ATXN1: variants seen among roughly 807,000 people sequenced by gnomAD.
The protein encoded by ATXN1 is ataxin-1.
A neutral mutation model predicts 56.4 loss-of-function variants in ATXN1; 8 were observed. The ratio of observed to expected loss-of-function variants is 0.14; its 90% confidence interval spans 0.08 to 0.26. ATXN1 has a LOEUF of 0.26. Ranked by LOEUF, ATXN1 falls within the 10% of genes least tolerant of loss-of-function variation. The probability of loss-of-function intolerance (pLI) is 1.00; values close to 1 mark genes in which losing one functional copy is unlikely to be tolerated. For synonymous variants in ATXN1, 514 were observed against 494.6 expected, an observed-to-expected ratio of 1.04 and a Z score of -0.52; for missense variants, 987 against 1,106.5, an observed-to-expected ratio of 0.89 and a Z score of 1.53.
intron 2 of ATXN1, among the ~76,000 whole-genome samples, chr6:16,704,998 AC>A (rs1205476181): frequency 5.9e-5 from 9 of 152,092 alleles, no homozygotes; most frequent in Non-Finnish European, 1.2e-4. Context: ...CTCAGGCCTC[AC>A]CTCTCTCATC....
At chr6:16,474,010 CCT>C (rs1401102095) in intron 6 of ATXN1, among the ~76,000 whole-genome samples, 1 of 152,178 alleles carries the variant, frequency 6.6e-6, no homozygotes, top group Non-Finnish European at 1.5e-5. Context: ...TGACCACTCC[CCT>C]GTCTTCAAGA....
At chr6:16,556,490 G>A (rs1762016428) in intron 4 of ATXN1, among the ~76,000 whole-genome samples, 1 of 152,126 alleles carries the variant, frequency 6.6e-6, no homozygotes, top group Admixed American at 6.6e-5. Context: ...TGTCAATGCT[G>A]GTAAGAAAAA....
chr6:16,675,034 C>T (rs1473374298), intron 2 of ATXN1, among the ~76,000 whole-genome samples: 1 of 152,220 alleles, frequency 6.6e-6, no homozygotes, highest in Middle Eastern at 3.2e-3. Flanking sequence ...ACTGCAGCTT[C>T]CAAGGTTGGA....
intron 6 of ATXN1, among the ~76,000 whole-genome samples, chr6:16,376,188 C>T (rs1383384592): frequency 2.6e-5 from 4 of 152,180 alleles, no homozygotes; most frequent in Non-Finnish European, 5.9e-5. Flanking sequence ...TGGCAAGATA[C>T]GATCAATTTT....
chr6:16,718,097 G>A (rs762812685), intron 2 of ATXN1, among the ~76,000 whole-genome samples: 39 of 152,226 alleles, frequency 2.6e-4, no homozygotes, highest in Non-Finnish European at 4.9e-4. Context: ...CACACAACAA[G>A]GTGCAATGAA....
intron 3 of ATXN1, among the ~76,000 whole-genome samples, chr6:16,639,276 G>T (rs72825574): frequency 0.014 from 2,104 of 152,224 alleles, 29 homozygotes; most frequent in Middle Eastern, 0.027. Context: ...CGCTCTTTGG[G>T]TCCCTACCAT....
At chr6:16,529,366 C>A (rs776184400) in intron 4 of ATXN1, among the ~76,000 whole-genome samples, 7 of 152,024 alleles carry the variant, frequency 4.6e-5, no homozygotes, top group Non-Finnish European at 1.0e-4. Flanking sequence ...GGCAACGACA[C>A]AAAATGTAGC....
chr6:16,697,906 C>T (rs756123569), intron 2 of ATXN1, among the ~76,000 whole-genome samples: 2 of 152,186 alleles, frequency 1.3e-5, no homozygotes, highest in Admixed American at 6.5e-5. Flanking sequence ...GCTGCCCCAT[C>T]GACTAGGAAG....
At chr6:16,662,843 G>A (rs749664538) in intron 2 of ATXN1, among the ~76,000 whole-genome samples, 1 of 152,072 alleles carries the variant, frequency 6.6e-6, no homozygotes. Context: ...ATTTGCCAAC[G>A]CTGTAATAAA....
chr6:16,704,044 C>T (rs575530067), intron 2 of ATXN1, among the ~76,000 whole-genome samples: 14 of 152,240 alleles, frequency 9.2e-5, no homozygotes, highest in South Asian at 2.1e-4. Flanking sequence ...ATAACAACAA[C>T]GGTTAAAGCA....
chr6:16,518,471 C>A (rs759270157), intron 5 of ATXN1, among the ~76,000 whole-genome samples: 1 of 152,142 alleles, frequency 6.6e-6, no homozygotes, highest in Admixed American at 6.5e-5. Context: ...AGGTGGCCTG[C>A]GACCAGGCTA....
chr6:16,748,262 G>A (rs1760599230), intron 2 of ATXN1, among the ~76,000 whole-genome samples: 1 of 152,204 alleles, frequency 6.6e-6, no homozygotes, highest in South Asian at 2.1e-4. Flanking sequence ...ATATGTGACT[G>A]AACAGACAGG....
intron 2 of ATXN1, among the ~76,000 whole-genome samples, chr6:16,670,135 C>T (rs114240707): frequency 0.013 from 2,042 of 152,322 alleles, 31 homozygotes; most frequent in Middle Eastern, 0.027. Flanking sequence ...ATCAACTCCT[C>T]TGCCTTCCCC....
chr6:16,478,060 C>A (rs1009319210), intron 6 of ATXN1, among the ~76,000 whole-genome samples: 1 of 152,150 alleles, frequency 6.6e-6, no homozygotes, highest in African/African-American at 2.4e-5. Flanking sequence ...GGCGTCACTG[C>A]GGAGGCACAG....
intron 6 of ATXN1, among the ~76,000 whole-genome samples, chr6:16,478,449 G>GA (rs1013239276): frequency 3.3e-5 from 5 of 152,110 alleles, no homozygotes; most frequent in African/African-American, 1.2e-4. Context: ...CAAACAGAAG[G>GA]AAAAAACAAT....
At chr6:16,502,328 C>T (rs1760900978) in intron 5 of ATXN1, among the ~76,000 whole-genome samples, 2 of 152,108 alleles carry the variant, frequency 1.3e-5, no homozygotes, top group African/African-American at 4.8e-5. Flanking sequence ...GAAAGTGCTA[C>T]TTAAAAAAAT....
intron 5 of ATXN1, among the ~76,000 whole-genome samples, chr6:16,490,712 C>T (rs1022109422): frequency 2.0e-5 from 3 of 152,136 alleles, no homozygotes; most frequent in Admixed American, 6.6e-5. Context: ...ATGATCTCTC[C>T]CCTTGGCTGT....
intron 6 of ATXN1, among the ~76,000 whole-genome samples, chr6:16,467,885 C>G (rs1440966190): frequency 1.3e-5 from 2 of 152,222 alleles, no homozygotes; most frequent in African/African-American, 2.4e-5. Context: ...AAAAGATTGT[C>G]TGAAGATTCC....
intron 4 of ATXN1, among the ~76,000 whole-genome samples, chr6:16,556,170 G>A (rs967282019): frequency 6.6e-6 from 1 of 151,904 alleles, no homozygotes; most frequent in African/African-American, 2.4e-5. Flanking sequence ...TATCATTTTG[G>A]TTGACAATTA....
Sources: gnomAD v4.1 joint callset for allele counts (sites outside exome capture counted in the v4.1 genomes callset) on GRCh38, gnomAD v4.1.1 for gene constraint, MANE v1.5 for transcripts, NCBI Gene and HGNC (gene_info 2026-07-23, HGNC 2026-07-21) for gene names.